The following MACROD2 variants were observed in gnomAD, a reference collection of about 807,000 sequenced individuals.
The protein encoded by MACROD2 is ADP-ribose glycohydrolase MACROD2.
A neutral mutation model predicts 70.4 loss-of-function variants in MACROD2; 36 were observed. The observed-to-expected ratio is 0.51, with a 90% confidence interval of 0.39 to 0.68. The LOEUF is 0.68. Among genes scored for constraint, MACROD2 ranks in the 30% least tolerant of loss-of-function variants. MACROD2 has a pLI of 0.00. For synonymous variants in MACROD2, 172 were observed against 178.8 expected (o/e 0.96, Z 0.30); for missense variants, 496 against 538.4 (o/e 0.92, Z 0.78).
chr20:15,713,332 A>G (rs6110759), intron 8 of MACROD2, among the ~76,000 whole-genome samples: 8,024 of 152,246 alleles, frequency 0.053, 298 homozygotes, highest in East Asian at 0.16. Context: ...TATGAACTTT[A>G]GTTCTGGGCT....
At chr20:15,134,137 A>G (rs1020224444) in intron 5 of MACROD2, among the ~76,000 whole-genome samples, 3 of 57,174 alleles carry the variant, frequency 5.2e-5, no homozygotes, top group Non-Finnish European at 9.6e-5. Flanking sequence ...CGATCTCCTG[A>G]CCTCGTGATC....
chr20:15,218,911 C>T (rs1355606940), intron 5 of MACROD2, among the ~76,000 whole-genome samples: 3 of 152,104 alleles, frequency 2.0e-5, no homozygotes, highest in East Asian at 1.9e-4. Flanking sequence ...CCAGGCGTGG[C>T]GGCGTGTGCC....
intron 8 of MACROD2, among the ~76,000 whole-genome samples, chr20:15,703,578 C>T (rs541637153): frequency 2.9e-4 from 44 of 152,310 alleles, no homozygotes; most frequent in East Asian, 3.9e-4. Context: ...AACAGATTAT[C>T]TCAAAATTGT....
At chr20:15,358,944 T>C (rs976414104) in intron 6 of MACROD2, among the ~76,000 whole-genome samples, 1 of 152,092 alleles carries the variant, frequency 6.6e-6, no homozygotes, top group Non-Finnish European at 1.5e-5. Flanking sequence ...AGATATGAAT[T>C]TTGGGGTGAC....
At chr20:16,023,255 T>G (rs2067028095) in intron 15 of MACROD2, among the ~76,000 whole-genome samples, 1 of 151,208 alleles carries the variant, frequency 6.6e-6, no homozygotes, top group African/African-American at 2.4e-5. Flanking sequence ...GCAGGCAGAT[T>G]ACGAGGTCAG....
intron 8 of MACROD2, among the ~76,000 whole-genome samples, chr20:15,586,572 G>A (rs909596258): frequency 5.9e-5 from 9 of 152,270 alleles, no homozygotes; most frequent in Non-Finnish European, 1.3e-4. Context: ...GCCTCATGCT[G>A]ACCAGGAAAA....
At chr20:14,676,193 C>T (rs546281256) in intron 4 of MACROD2, among the ~76,000 whole-genome samples, 19 of 152,214 alleles carry the variant, frequency 1.2e-4, no homozygotes, top group African/African-American at 2.2e-4. Context: ...GTGGACCAAA[C>T]GGACCTAATA....
chr20:14,959,863 T>C (rs2074568435), intron 5 of MACROD2, among the ~76,000 whole-genome samples: 1 of 152,148 alleles, frequency 6.6e-6, no homozygotes, highest in Non-Finnish European at 1.5e-5. Flanking sequence ...GCCACGACTT[T>C]AGAAAACCCA....
intron 5 of MACROD2, among the ~76,000 whole-genome samples, chr20:15,056,873 C>T (rs372493044): frequency 6.6e-6 from 1 of 152,052 alleles, no homozygotes; most frequent in African/African-American, 2.4e-5. Context: ...TCAGGAGAAA[C>T]AGATAGGAGT....
chr20:14,281,933 C>CAAAA (rs571115190), intron 3 of MACROD2, among the ~76,000 whole-genome samples: 1 of 96,524 alleles, frequency 1.0e-5, no homozygotes, highest in African/African-American at 4.4e-5. Flanking sequence ...GACTCCCTCT[C>CAAAA]AAAAAAAAAA....
chr20:15,344,098 C>T (rs1427055532), intron 6 of MACROD2, among the ~76,000 whole-genome samples: 2 of 152,104 alleles, frequency 1.3e-5, no homozygotes, highest in East Asian at 3.8e-4. Context: ...CTAAATTATC[C>T]AGATGATAGT....
chr20:15,597,800 C>T (rs760352615), intron 8 of MACROD2, among the ~76,000 whole-genome samples: 1 of 152,146 alleles, frequency 6.6e-6, no homozygotes, highest in Non-Finnish European at 1.5e-5. Flanking sequence ...TGAGGTCAGC[C>T]GGGCACGGTG....
chr20:14,858,054 C>T (rs1010319514), intron 5 of MACROD2, among the ~76,000 whole-genome samples: 1 of 152,190 alleles, frequency 6.6e-6, no homozygotes, highest in Admixed American at 6.5e-5. Flanking sequence ...CTCCTGATCT[C>T]AGGTGATCCG....
intron 6 of MACROD2, among the ~76,000 whole-genome samples, chr20:15,253,094 G>A (rs2077169639): frequency 6.6e-6 from 1 of 152,162 alleles, no homozygotes; most frequent in Admixed American, 6.5e-5. Flanking sequence ...AAACAAGGGA[G>A]GAGTTGAAGG....
At chr20:14,555,611 G>A (rs951779249) in intron 4 of MACROD2, among the ~76,000 whole-genome samples, 5 of 151,966 alleles carry the variant, frequency 3.3e-5, no homozygotes, top group Admixed American at 6.6e-5. Flanking sequence ...TCTAAATTAG[G>A]TTCATCCTCC....
At chr20:15,114,745 T>A (rs1158043048) in intron 5 of MACROD2, among the ~76,000 whole-genome samples, 1 of 152,218 alleles carries the variant, frequency 6.6e-6, no homozygotes, top group African/African-American at 2.4e-5. Context: ...TAATGTTACC[T>A]TCTCTTTCCC....
At position 14,956,386 on chromosome 20, in the gene MACROD2, C is replaced by T. The variant is rs190696047; in HGVS notation, c.418+271427C>T. Reference sequence around the variant, plus strand: ...ATAGTAAAAATGGCTTCTCTAAACACGTGAAATAAATTAGCCCTTTAAGGT... The same window carrying T: ...ATAGTAAAAATGGCTTCTCTAAACATGTGAAATAAATTAGCCCTTTAAGGT... On this transcript the variant is annotated intron_variant, in intron 5 of 17. Coordinates refer to ENST00000684519, the MANE Select transcript of MACROD2 (RefSeq NM_001351661.2). Among the ~76,000 whole-genome samples, 336 of 152,176 alleles carry T rather than the reference C, an allele frequency of 2.2e-3. 1 individual carries two copies. The highest frequency in any genetic ancestry group is 3.7e-3 in the Non-Finnish European group (251 of 67,998).
intron 3 of MACROD2, among the ~76,000 whole-genome samples, chr20:14,337,127 T>C (rs1321820858): frequency 1.3e-5 from 2 of 152,218 alleles, no homozygotes; most frequent in Non-Finnish European, 2.9e-5. Context: ...AACTTGCTGT[T>C]TTCCATAAGG....
chr20:15,264,858 A>T (rs937747799), intron 6 of MACROD2, among the ~76,000 whole-genome samples: 1 of 152,078 alleles, frequency 6.6e-6, no homozygotes, highest in African/African-American at 2.4e-5. Context: ...GAGAAAGAGG[A>T]TAGTGAGATG....
Sources: gnomAD v4.1 joint callset for allele counts (sites outside exome capture counted in the v4.1 genomes callset) on GRCh38, gnomAD v4.1.1 for gene constraint, MANE v1.5 for transcripts, NCBI Gene and HGNC (gene_info 2026-07-23, HGNC 2026-07-21) for gene names.